RBM47: variants seen among roughly 807,000 people sequenced by gnomAD.
The protein encoded by RBM47 is RNA-binding protein 47.
In RBM47, 21 loss-of-function variants were observed where a neutral mutation model predicts 47.1. The observed-to-expected ratio is 0.45, with a 90% CI of 0.32 to 0.64. The LOEUF (loss-of-function observed/expected upper bound fraction) is 0.64. Among genes scored for constraint, RBM47 ranks in the 30% least tolerant of loss-of-function variants. The pLI is 0.05. For synonymous variants in RBM47, 375 were observed against 361.7 expected (o/e 1.04, Z -0.42); for missense variants, 708 against 870.9 (o/e 0.81, Z 2.35).
chr4:40,423,999 G>A lies in RBM47; in HGVS notation c.*1905C>T, dbSNP rs913611981. Reference sequence around the variant, plus strand: ...TTTTATGTCATTTAAAAGAATGATGGAAAGGAATGTTAGCGGTGCTTAAAG... The same window carrying A: ...TTTTATGTCATTTAAAAGAATGATGAAAAGGAATGTTAGCGGTGCTTAAAG... On this transcript the variant is annotated 3_prime_UTR_variant, in exon 7 of 7. Coordinates refer to ENST00000295971, the MANE Select transcript of RBM47 (RefSeq NM_001098634.2). 1 of 152,284 alleles carries A rather than the reference G, an allele frequency of 6.6e-6. No individual in the cohort carries two copies. Among genetic ancestry groups the A allele is most frequent in the African/African-American group, 2.4e-5 (1 of 41,434 alleles). The allele number at this position is 152,284 out of a possible 1,614,324, so 9.4% of individuals were successfully genotyped here. A position where few individuals can be genotyped will look rare whatever the true frequency, so the allele number is the denominator to read the frequency against.
chr4:40,623,293 A>G (rs1213014078), intron 1 of RBM47, among the ~76,000 whole-genome samples: 2 of 152,222 alleles, frequency 1.3e-5, no homozygotes, highest in African/African-American at 2.4e-5. Flanking sequence ...CCAAATGGGA[A>G]GGGCTAACTT....
intron 2 of RBM47, among the ~76,000 whole-genome samples, chr4:40,492,725 C>T (rs574445260): frequency 6.6e-6 from 1 of 152,272 alleles, no homozygotes; most frequent in African/African-American, 2.4e-5. Context: ...GAATAGCTTT[C>T]CAAGAAAATG....
intron 1 of RBM47, among the ~76,000 whole-genome samples, chr4:40,589,423 C>T (rs181697963): frequency 1.7e-3 from 264 of 152,044 alleles, no homozygotes; most frequent in African/African-American, 6.0e-3. Context: ...TATTTATTTA[C>T]TTATTTTTTA....
At chr4:40,463,606 T>C (rs1395991244) in intron 3 of RBM47, among the ~76,000 whole-genome samples, 1 of 152,050 alleles carries the variant, frequency 6.6e-6, no homozygotes. Flanking sequence ...CTTTTTCCCA[T>C]AGAGAGATTG....
intron 1 of RBM47, among the ~76,000 whole-genome samples, chr4:40,595,379 AG>A (rs1734656437): frequency 6.6e-6 from 1 of 152,262 alleles, no homozygotes; most frequent in African/African-American, 2.4e-5. Flanking sequence ...CTGTAATTCC[AG>A]CTACTCGGGA....
chr4:40,507,398 T>TA (rs887611626), intron 2 of RBM47, among the ~76,000 whole-genome samples: 6 of 151,706 alleles, frequency 4.0e-5, no homozygotes, highest in Non-Finnish European at 7.4e-5. Context: ...AACCTGATCT[T>TA]AAAAAAAAAT....
intron 2 of RBM47, among the ~76,000 whole-genome samples, chr4:40,541,297 T>C (rs1053619762): frequency 6.6e-6 from 1 of 151,140 alleles, no homozygotes; most frequent in South Asian, 2.1e-4. Flanking sequence ...TCAAATTTAC[T>C]CATAACTAAG....
intron 3 of RBM47, among the ~76,000 whole-genome samples, chr4:40,456,821 A>G (rs28685038): frequency 0.043 from 6,419 of 149,028 alleles, 200 homozygotes; most frequent in African/African-American, 0.088. Flanking sequence ...TTGTTCTCAA[A>G]CTCCTGGGCT....
At chr4:40,532,148 C>T (rs1258533436) in intron 2 of RBM47, among the ~76,000 whole-genome samples, 10 of 150,878 alleles carry the variant, frequency 6.6e-5, no homozygotes, top group African/African-American at 2.4e-4. Context: ...GTAGCTGGGA[C>T]TACAAGTGGG....
intron 3 of RBM47, among the ~76,000 whole-genome samples, chr4:40,441,108 A>AT (rs916938594): frequency 8.1e-4 from 121 of 150,204 alleles, no homozygotes; most frequent in Middle Eastern, 3.5e-3. Flanking sequence ...GTTGAAAAAC[A>AT]TTTTTTTTTC....
At chr4:40,467,538 G>A (rs888295358) in intron 2 of RBM47, among the ~76,000 whole-genome samples, 12 of 151,902 alleles carry the variant, frequency 7.9e-5, no homozygotes, top group South Asian at 4.2e-4. Flanking sequence ...TGATCCACCC[G>A]ACTCAGCCTC....
At chr4:40,484,396 T>C (rs1468256056) in intron 2 of RBM47, among the ~76,000 whole-genome samples, 3 of 152,212 alleles carry the variant, frequency 2.0e-5, no homozygotes, top group Non-Finnish European at 4.4e-5. Context: ...TTTTCCTTTC[T>C]TCCTGATTTA....
intron 3 of RBM47, among the ~76,000 whole-genome samples, chr4:40,465,759 T>G (rs1190907199): frequency 6.6e-6 from 1 of 152,154 alleles, no homozygotes; most frequent in Non-Finnish European, 1.5e-5. Flanking sequence ...GATTAAATGG[T>G]TGTCAAAGTG....
At chr4:40,615,685 G>A (rs953117256) in intron 1 of RBM47, among the ~76,000 whole-genome samples, 1 of 152,092 alleles carries the variant, frequency 6.6e-6, no homozygotes, top group Non-Finnish European at 1.5e-5. Context: ...GGAGGCTGAG[G>A]CAGGAGAATC....
chr4:40,434,711 A>C (rs994407400), intron 5 of RBM47, among the ~76,000 whole-genome samples: 1 of 70,626 alleles, frequency 1.4e-5, no homozygotes, highest in African/African-American at 6.0e-5. Context: ...GGCAAAAAAA[A>C]AAAAAAAAAA....
intron 1 of RBM47, among the ~76,000 whole-genome samples, chr4:40,566,779 C>G (rs1731147964): frequency 6.6e-6 from 1 of 151,914 alleles, no homozygotes; most frequent in Admixed American, 6.6e-5. Context: ...AACACATTAC[C>G]TATGTTCTGG....
intron 2 of RBM47, among the ~76,000 whole-genome samples, chr4:40,529,137 T>G (rs1727094912): frequency 6.6e-6 from 1 of 152,062 alleles, no homozygotes. Context: ...TATTAAAAAT[T>G]TTTAATTTTA....
intron 2 of RBM47, among the ~76,000 whole-genome samples, chr4:40,478,656 T>C (rs993398792): frequency 6.6e-6 from 1 of 152,182 alleles, no homozygotes; most frequent in African/African-American, 2.4e-5. Context: ...TTATTAGTTA[T>C]TACTTTCTTA....
Position 40,547,506 on chromosome 4 carries a change from C to T in RBM47, c.-239-3000G>A, listed in dbSNP as rs535724861. Among the ~76,000 whole-genome samples the T allele has an allele frequency of 1.6e-4, 24 of 152,306 alleles. No individual in the cohort carries two copies. The South Asian group carries it at 2.7e-3, about 17-fold the overall frequency. Reference sequence around the variant, plus strand: ...ACCTTGATCTTGGACTTCCAGCCTCCACAACCATGAGAAAATAAATGTCTG... The same window carrying T: ...ACCTTGATCTTGGACTTCCAGCCTCTACAACCATGAGAAAATAAATGTCTG... On this transcript the variant is annotated intron_variant, in intron 1 of 6. Coordinates refer to ENST00000295971, the MANE Select transcript of RBM47 (RefSeq NM_001098634.2).
Sources: allele counts gnomAD v4.1 joint callset (sites outside exome capture counted in the v4.1 genomes callset), GRCh38; gene constraint gnomAD v4.1.1; transcripts MANE v1.5; gene names NCBI Gene and HGNC (gene_info 2026-07-23, HGNC 2026-07-21).